PDE1C: variants seen among roughly 807,000 people sequenced by gnomAD.
The protein encoded by PDE1C is dual specificity calcium/calmodulin-dependent 3',5'-cyclic nucleotide phosphodiesterase 1C.
Under a neutral mutation model 93.1 loss-of-function variants are expected in PDE1C, and 62 were observed. The ratio of observed to expected loss-of-function variants is 0.67; its 90% CI spans 0.54 to 0.82. PDE1C has a LOEUF of 0.82. Ranked by LOEUF, PDE1C falls within the 40% of genes least tolerant of loss-of-function variation. The pLI is 0.00. For synonymous variants in PDE1C, 325 were observed against 310.1 expected, an observed-to-expected ratio of 1.05 and a Z score of -0.50; for missense variants, 742 against 884.6, an observed-to-expected ratio of 0.84 and a Z score of 2.04.
At chr7:31,850,323 G>C (rs938723144) in intron 8 of PDE1C, among the ~76,000 whole-genome samples, 1 of 152,012 alleles carries the variant, frequency 6.6e-6, no homozygotes, top group Admixed American at 6.6e-5. Context: ...GGGCCTTTAC[G>C]TAAACTGCCC....
At chr7:31,673,715 T>G in the PDE1C span, among the ~76,000 whole-genome samples, 1 of 98,160 alleles carries the variant, frequency 1.0e-5, no homozygotes, top group East Asian at 5.8e-4. Context: ...GAAACTAGTT[T>G]TTTTTTTTTT....
At chr7:31,851,581 G>C (rs1348754571) in intron 7 of PDE1C, among the ~76,000 whole-genome samples, 1 of 152,204 alleles carries the variant, frequency 6.6e-6, no homozygotes, top group Non-Finnish European at 1.5e-5. Flanking sequence ...TCACACGACA[G>C]AATATGCCTG....
intron 2 of PDE1C, among the ~76,000 whole-genome samples, chr7:31,953,243 G>A (rs1474412965): frequency 6.6e-6 from 1 of 152,158 alleles, no homozygotes; most frequent in African/African-American, 2.4e-5. Context: ...TTGCGACGGT[G>A]CTGATTCAAT....
At chr7:32,343,391 C>A (rs977399390) in intron 1 of PDE1C, among the ~76,000 whole-genome samples, 1 of 152,164 alleles carries the variant, frequency 6.6e-6, no homozygotes, top group Non-Finnish European at 1.5e-5. Flanking sequence ...ATTCGTAGAA[C>A]CTCTTGCAGA....
rs148645332 is a variant in PDE1C at position 31,858,719 on chromosome 7, T to C, written c.750+6223A>G. On this transcript the variant is annotated intron_variant, in intron 7 of 17. Transcript: ENST00000396191. ...GTGTTGCTAGTCATGATTACTTATG[T>C]TTAGTAATAATAATAACTATCATTT... is the stretch of plus-strand genomic sequence containing the variant. 2.4e-3 allele frequency among the ~76,000 whole-genome samples: 363 copies of C among 152,300 alleles called. 8 individuals are homozygous for C. The highest frequency in any genetic ancestry group is 6.0e-4 in the Non-Finnish European group (41 of 68,020).
chr7:32,411,138 T>C (rs926160705), intron 1 of PDE1C, among the ~76,000 whole-genome samples: 11 of 152,162 alleles, frequency 7.2e-5, no homozygotes, highest in African/African-American at 2.7e-4. Context: ...TGAATAGCCA[T>C]CTGGAAAAAT....
intron 3 of PDE1C, among the ~76,000 whole-genome samples, chr7:32,116,041 A>G (rs1257916163): frequency 1.3e-5 from 2 of 152,202 alleles, no homozygotes; most frequent in Non-Finnish European, 1.5e-5. Flanking sequence ...ACAAAGAGAA[A>G]CAATGAGAGA....
Position 31,828,331 on chromosome 7 carries a change from AC to A in PDE1C, c.1245del (p.Cys416ValfsTer13), listed in dbSNP as rs1562876496. The A allele has an allele frequency of 2.5e-6, 4 of 1,612,672 alleles. No individual in the cohort carries two copies. In the Admixed American group the frequency reaches 6.7e-5, roughly 27 times the overall value. On this transcript the variant is annotated frameshift_variant, in exon 12 of 18. Coordinates refer to ENST00000396191, the MANE Select transcript of PDE1C (RefSeq NM_001191057.4). LOFTEE classifies it high-confidence loss of function. ...EAELGLPFSPLCDRKSTMVAQ... is the reference protein window; with the variant it reads ...EAELGLPFSPXCDRKSTMVAQ... ...GCAACCATAGTGGACTTTCGGTCAC[AC>A]AGAGGAGAAAAAGGCAGCCCCAGCT... is the stretch of plus-strand genomic sequence containing the variant.
chr7:31,797,472 C>A (rs999169999), intron 16 of PDE1C, among the ~76,000 whole-genome samples: 2 of 151,686 alleles, frequency 1.3e-5, no homozygotes, highest in Admixed American at 1.3e-4. Context: ...AGTGGCATGA[C>A]CACTAGTGAA....
At chr7:31,687,957 G>T in the PDE1C span, among the ~76,000 whole-genome samples, 3 of 152,140 alleles carry the variant, frequency 2.0e-5, no homozygotes, top group Middle Eastern at 3.2e-3. Flanking sequence ...GTTCTATTAT[G>T]TTCCCAAGAT....
intron 2 of PDE1C, among the ~76,000 whole-genome samples, chr7:31,900,336 C>T (rs1031239253): frequency 7.3e-5 from 11 of 151,578 alleles, no homozygotes; most frequent in African/African-American, 2.4e-4. Flanking sequence ...ATATGAAATA[C>T]GCCATTCTAA....
intron 2 of PDE1C, 47 bp downstream of exon 2, chr7:32,051,507 G>A: frequency 6.3e-7 from 1 of 1,595,400 alleles, no homozygotes; most frequent in Non-Finnish European, 8.6e-7. Context: ...GTGAAGAGCT[G>A]GGCCACAAAT....
chr7:31,690,801 T>C, the PDE1C span, among the ~76,000 whole-genome samples: 6,893 of 152,246 alleles, frequency 0.045, 486 homozygotes, highest in African/African-American at 0.15. Context: ...TTACTCTGAT[T>C]CTAAGTGTTT....
chr7:32,309,549 T>C (rs1242562460), intron 1 of PDE1C, among the ~76,000 whole-genome samples: 1 of 152,200 alleles, frequency 6.6e-6, no homozygotes, highest in African/African-American at 2.4e-5. Context: ...ACAGTGGATC[T>C]CTCAGCAGAA....
chr7:32,203,452 T>C (rs1805175357), intron 2 of PDE1C, among the ~76,000 whole-genome samples: 2 of 152,140 alleles, frequency 1.3e-5, no homozygotes, highest in South Asian at 4.1e-4. Context: ...TGCACATCTC[T>C]GCCTTCCATT....
intron 1 of PDE1C, among the ~76,000 whole-genome samples, chr7:32,272,602 A>G (rs1278605867): frequency 6.6e-6 from 1 of 152,216 alleles, no homozygotes; most frequent in Non-Finnish European, 1.5e-5. Flanking sequence ...ACTCTTGGCT[A>G]TCTAATCAAC....
At position 31,932,837 on chromosome 7, in the gene PDE1C, T is replaced by C. The variant is rs539812195; in HGVS notation, c.129-51977A>G. Among the ~76,000 whole-genome samples the C allele has an allele frequency of 8.0e-4, 122 of 152,164 alleles. No homozygotes were observed. The South Asian group carries it at 1.0e-2, about 12-fold the overall frequency. Reference sequence around the variant, plus strand: ...ACCTAAATGCCCATCAGTGATAGACTAGATAAAGAAAATGTGGCACATATA... The same window carrying C: ...ACCTAAATGCCCATCAGTGATAGACCAGATAAAGAAAATGTGGCACATATA... On this transcript the variant is annotated intron_variant, in intron 2 of 17. Coordinates refer to ENST00000396191, the MANE Select transcript of PDE1C (RefSeq NM_001191057.4).
intron 2 of PDE1C, among the ~76,000 whole-genome samples, chr7:32,050,466 T>C (rs1793193947): frequency 6.6e-6 from 1 of 152,038 alleles, no homozygotes; most frequent in South Asian, 2.1e-4. Context: ...TGAAAACAAA[T>C]CATTGTAAAA....
chr7:32,067,256 A>G (rs1795509645), intron 1 of PDE1C, among the ~76,000 whole-genome samples: 1 of 152,186 alleles, frequency 6.6e-6, no homozygotes. Flanking sequence ...TATGTTTCAA[A>G]TATGTATTAC....
Sources: allele counts gnomAD v4.1 joint callset (sites outside exome capture counted in the v4.1 genomes callset), GRCh38; gene constraint gnomAD v4.1.1; transcripts MANE v1.5; gene names NCBI Gene and HGNC (gene_info 2026-07-23, HGNC 2026-07-21).